TRAK1: variants seen among roughly 807,000 people sequenced by gnomAD.
TRAK1 encodes trafficking kinesin-binding protein 1.
In TRAK1, 33 loss-of-function variants were observed where a neutral mutation model predicts 92.1. The ratio of observed to expected loss-of-function variants is 0.36; its 90% CI spans 0.27 to 0.48. The LOEUF is 0.48. Among genes scored for constraint, TRAK1 ranks in the 20% least tolerant of loss-of-function variants. The probability of loss-of-function intolerance (pLI) is 0.99; values close to 1 mark genes in which losing one functional copy is unlikely to be tolerated. For missense variants in TRAK1, 1,123 were observed against 1,257.9 expected (o/e 0.89, Z 1.62); for synonymous variants, 521 against 517.3 (o/e 1.01, Z -0.10).
At chr3:42,076,884 G>GGGA (rs1385198533) in intron 1 of TRAK1, among the ~76,000 whole-genome samples, 2 of 152,148 alleles carry the variant, frequency 1.3e-5, no homozygotes, top group African/African-American at 4.8e-5. Flanking sequence ...TTATTGAATA[G>GGGA]GGAGTCCTTT....
chr3:42,193,246 A>G (rs1235896220), intron 8 of TRAK1, 41 bp downstream of exon 8: 1 of 1,608,304 alleles, frequency 6.2e-7, no homozygotes, highest in East Asian at 2.2e-5. Flanking sequence ...AACAATGGCC[A>G]TGCTGAGACG....
chr3:42,143,465 A>C lies in TRAK1; in HGVS notation c.286+17851A>C, dbSNP rs1430075788. Among the ~76,000 whole-genome samples, 3 of 152,246 alleles carry C rather than the reference A, an allele frequency of 2.0e-5. No homozygotes were observed. The East Asian group carries it at 5.8e-4, about 29-fold the overall frequency. ...CTGTGCAATCCTGGGCAAGTGACTT[A>C]AGCCACTAAGACCCCTTTCCTTGTC... On this transcript the variant is annotated intron_variant, in intron 2 of 15. Transcript: ENST00000327628.
At chr3:42,090,707 CA>C (rs780874207), upstream of TRAK1, among the ~76,000 whole-genome samples, 2 of 152,052 alleles carry the variant, frequency 1.3e-5, no homozygotes, top group Non-Finnish European at 2.9e-5. Context: ...ACAGCAACAA[CA>C]AAAAACACAA....
chr3:42,066,311 G>A (rs988507371), intron 1 of TRAK1, among the ~76,000 whole-genome samples: 7 of 152,186 alleles, frequency 4.6e-5, no homozygotes, highest in Non-Finnish European at 1.0e-4. Context: ...AGGCAATAGA[G>A]TGAGACTCTG....
At chr3:42,066,947 C>G (rs1703708746) in intron 1 of TRAK1, among the ~76,000 whole-genome samples, 1 of 152,186 alleles carries the variant, frequency 6.6e-6, no homozygotes, top group African/African-American at 2.4e-5. Flanking sequence ...CTGGGGGATT[C>G]TTATACAGAG....
At position 42,125,581 on chromosome 3, in the gene TRAK1, A is replaced by G. The variant is rs756185529; in HGVS notation, c.253A>G (p.Thr85Ala). 1.2e-6 allele frequency: 2 copies of G among 1,614,032 alleles called. No homozygotes were observed. Among genetic ancestry groups the G allele is most frequent in the East Asian group, 2.2e-5 (1 of 44,894 alleles). ...ISPDANIDLTTEQIEETLKYF... is the reference protein window; with the variant it reads ...ISPDANIDLTAEQIEETLKYF... Reference sequence around the variant, plus strand: ...TCCAGATGCCAACATTGACCTCACAACCGAGCAAATTGAAGAGACGTTAAA... The same window carrying G: ...TCCAGATGCCAACATTGACCTCACAGCCGAGCAAATTGAAGAGACGTTAAA... The change falls in exon 2 of 16, where the codon ACC (threonine) becomes GCC (alanine). Residue 85 changes from threonine (T) to alanine (A), a missense_variant. By Grantham distance (58) the Thr-to-Ala change is moderately conservative. This residue lies in a region of TRAK1 where 686 missense variants were observed against 747.6 expected (regional missense o/e 0.92). Coordinates refer to ENST00000327628, the MANE Select transcript of TRAK1 (RefSeq NM_001042646.3).
At chr3:42,186,605 C>G (rs967897220) in intron 4 of TRAK1, among the ~76,000 whole-genome samples, 1 of 152,218 alleles carries the variant, frequency 6.6e-6, no homozygotes, top group African/African-American at 2.4e-5. Flanking sequence ...AGCCTGGCCC[C>G]CTCCTAGCCA....
chr3:42,177,174 T>A (rs935639987), intron 3 of TRAK1, among the ~76,000 whole-genome samples: 1 of 152,244 alleles, frequency 6.6e-6, no homozygotes, highest in Non-Finnish European at 1.5e-5. Flanking sequence ...CCTGAAACAT[T>A]GACTAATGAT....
intron 14 of TRAK1, among the ~76,000 whole-genome samples, chr3:42,216,072 A>G (rs1709646200): frequency 1.3e-5 from 2 of 152,288 alleles, no homozygotes; most frequent in South Asian, 2.1e-4. Context: ...AAATTGTATT[A>G]TGGGCGGCCA....
chr3:42,109,951 A>C (rs1484670721), intron 1 of TRAK1, among the ~76,000 whole-genome samples: 1 of 151,040 alleles, frequency 6.6e-6, no homozygotes, highest in Non-Finnish European at 1.5e-5. Context: ...GGGGCCTGTC[A>C]TGGGGTAGGG....
rs80112356 is a variant in TRAK1 at position 42,199,032 on chromosome 3, T to A, written c.1114-145T>A. ...AGCCAGGGTCTCTGACAACAGAGAG[T>A]GCTGTTAAGTTTGTGTTGTGGGAAG... On this transcript the variant is annotated intron_variant, in intron 10 of 15. Coordinates refer to ENST00000327628, the MANE Select transcript of TRAK1 (RefSeq NM_001042646.3). 1.0e-3 allele frequency: 756 copies of A among 751,762 alleles called. 1 individual carries two copies. The highest frequency in any genetic ancestry group is 3.5e-3 in the Middle Eastern group (9 of 2,594). The allele number at this position is 751,762 out of a possible 1,614,324, so 46.6% of individuals were successfully genotyped here. A position where few individuals can be genotyped will look rare whatever the true frequency, so the allele number is the denominator to read the frequency against.
At chr3:42,147,015 A>G (rs35324640) in intron 2 of TRAK1, among the ~76,000 whole-genome samples, 22,421 of 152,120 alleles carry the variant, frequency 0.15, 1,926 homozygotes, top group Non-Finnish European at 0.2. Flanking sequence ...ACCTTAAGGT[A>G]TCTCAGAAAA....
At chr3:42,129,722 A>G (rs1696944910) in intron 2 of TRAK1, among the ~76,000 whole-genome samples, 1 of 152,174 alleles carries the variant, frequency 6.6e-6, no homozygotes, top group Non-Finnish European at 1.5e-5. Flanking sequence ...AGTGGCCTGA[A>G]TTTAATACTC....
At chr3:42,091,660 G>A (rs1233869990) in intron 1 of TRAK1, 100 bp downstream of exon 1, 2 of 1,139,792 alleles carry the variant, frequency 1.8e-6, no homozygotes, top group Admixed American at 2.8e-5. Flanking sequence ...CTTGCTCCGT[G>A]CTGCTTGGGA....
chr3:42,150,440 G>A (rs1699832038), intron 2 of TRAK1, among the ~76,000 whole-genome samples: 1 of 152,112 alleles, frequency 6.6e-6, no homozygotes, highest in African/African-American at 2.4e-5. Flanking sequence ...TCTTGAAAGT[G>A]ACCCTCATAT....
At chr3:42,160,301 C>A in intron 2 of TRAK1, 1 of 1,594,172 alleles carries the variant, frequency 6.3e-7, no homozygotes, top group South Asian at 1.1e-5. Flanking sequence ...GGTAGGGGGT[C>A]GGGGGCACCC....
chr3:42,209,883 G>A lies in TRAK1; in HGVS notation c.1861G>A (p.Glu621Lys), dbSNP rs148776693. The A allele has an allele frequency of 1.0e-4, 164 of 1,614,084 alleles. No homozygotes were observed. The highest frequency in any genetic ancestry group is 9.7e-5 in the Non-Finnish European group (114 of 1,180,052). ...CCGGACGCTGGATGTTGACCTGGAC[G>A]AAGTGTACTGCCTTAACGACTTTGA... ...GFRTLDVDLDEVYCLNDFEED... is the reference protein window; with the variant it reads ...GFRTLDVDLDKVYCLNDFEED... The change falls in exon 14 of 16, where the codon GAA (glutamate) becomes AAA (lysine). Residue 621 changes from glutamate (E) to lysine (K), a missense_variant. Coordinates refer to ENST00000327628, the MANE Select transcript of TRAK1 (RefSeq NM_001042646.3).
intron 13 of TRAK1, chr3:42,203,831 T>C: frequency 1.2e-6 from 1 of 852,998 alleles, no homozygotes; most frequent in Non-Finnish European, 1.4e-6. Flanking sequence ...ACATAAACAA[T>C]ACATAAGCAA....
rs971491137 is a variant in TRAK1, at chr3:42,175,041, A to G, written c.287-1773A>G. Among the ~76,000 whole-genome samples, 12 of 152,210 alleles carry G rather than the reference A, an allele frequency of 7.9e-5. No individual in the cohort carries two copies. In the South Asian group the frequency reaches 1.2e-3, roughly 16 times the overall value. On this transcript the variant is annotated intron_variant, in intron 2 of 15. Coordinates refer to ENST00000327628, the MANE Select transcript of TRAK1 (RefSeq NM_001042646.3). ...ATCTTCTTGTACAGATAATAGAGCC[A>G]GGTTAGTTAAAAGGTAGCCCAGTTT...
Sources: allele counts gnomAD v4.1 joint callset (sites outside exome capture counted in the v4.1 genomes callset), GRCh38; gene constraint gnomAD v4.1.1; regional missense constraint gnomAD v4.1.1; transcripts MANE v1.5; gene names NCBI Gene and HGNC (gene_info 2026-07-23, HGNC 2026-07-21).